TRPM6: variants seen among roughly 807,000 people sequenced by gnomAD.
TRPM6 encodes the protein channel kinase 2.
Under a neutral mutation model 247.6 loss-of-function variants are expected in TRPM6, and 111 were observed. The observed-to-expected ratio is 0.45, with a 90% CI of 0.38 to 0.52. TRPM6 has a LOEUF of 0.52. TRPM6 is among the 20% of genes least tolerant of loss of function. The pLI, the probability that TRPM6 is intolerant of heterozygous loss-of-function variation, is 0.00. For synonymous variants in TRPM6, 892 were observed against 853.8 expected, an observed-to-expected ratio of 1.04 and a Z score of -0.78; for missense variants, 2,126 against 2,421.5, an observed-to-expected ratio of 0.88 and a Z score of 2.56.
intron 17 of TRPM6, among the ~76,000 whole-genome samples, 156 bp from the exon 18 acceptor site, chr9:74,797,049 T>C (rs1294145159): frequency 6.6e-6 from 1 of 152,176 alleles, no homozygotes; most frequent in Non-Finnish European, 1.5e-5. Flanking sequence ...ACTCGGCAAC[T>C]TCAGTTCTAG....
chr9:74,755,539 C>A (rs1826404370), intron 27 of TRPM6, 66 bp from the exon 28 acceptor site: 1 of 1,600,814 alleles, frequency 6.2e-7, no homozygotes, highest in Admixed American at 1.7e-5. Context: ...GTCACACTAA[C>A]AGAAGCACCA....
chr9:74,848,060 T>C (rs1830167523), intron 3 of TRPM6, among the ~76,000 whole-genome samples: 1 of 152,198 alleles, frequency 6.6e-6, no homozygotes, highest in African/African-American at 2.4e-5. Flanking sequence ...GTGGCCATAA[T>C]TTTGCAACTG....
intron 1 of TRPM6, among the ~76,000 whole-genome samples, chr9:74,878,627 A>G (rs2118509068): frequency 6.6e-6 from 1 of 152,274 alleles, no homozygotes; most frequent in South Asian, 2.1e-4. Context: ...TCAGAATACA[A>G]TCCCCCCCGT....
chr9:74,819,414 C>T (rs1047423317), intron 9 of TRPM6, among the ~76,000 whole-genome samples: 1 of 152,096 alleles, frequency 6.6e-6, no homozygotes, highest in African/African-American at 2.4e-5. Flanking sequence ...GAGACCAAGG[C>T]AAGAGGATCA....
intron 36 of TRPM6, among the ~76,000 whole-genome samples, chr9:74,736,494 T>C (rs566248871): frequency 1.7e-4 from 26 of 152,358 alleles, no homozygotes; most frequent in African/African-American, 6.3e-4. Context: ...GGATTAAATA[T>C]AATAATGCAC....
Position 74,723,229 on chromosome 9 carries a change from A to G in TRPM6, c.*1384T>C, listed in dbSNP as rs1165759646. 1.3e-5 allele frequency: 2 copies of G among 152,318 alleles called. No homozygotes were observed. The highest frequency in any genetic ancestry group is 1.9e-4 in the East Asian group (1 of 5,190). The allele number at this position is 152,318 out of a possible 1,614,324, so 9.4% of individuals were successfully genotyped here. A position where few individuals can be genotyped will look rare whatever the true frequency, so the allele number is the denominator to read the frequency against. On this transcript the variant is annotated 3_prime_UTR_variant, in exon 39 of 39. Transcript: ENST00000360774. The stretch of plus-strand genomic sequence containing the variant: ...GACATGTTCTCAGCCATATTTCAAA[A>G]TATATATACATTCTTTATGCCAGGG...
chr9:74,871,859 T>C (rs538235609), intron 1 of TRPM6, among the ~76,000 whole-genome samples: 48 of 151,968 alleles, frequency 3.2e-4, no homozygotes, highest in African/African-American at 8.2e-4. Context: ...AGTAACTTTT[T>C]TTTTTTTTTT....
At chr9:74,839,965 G>A in intron 5 of TRPM6, 59 bp downstream of exon 5, 1 of 1,286,264 alleles carries the variant, frequency 7.8e-7, no homozygotes, top group South Asian at 1.2e-5. Context: ...GAGGGAGAGA[G>A]GGAGGGAGAG....
intron 14 of TRPM6, among the ~76,000 whole-genome samples, chr9:74,804,175 G>A (rs568756250): frequency 3.3e-5 from 5 of 152,076 alleles, no homozygotes; most frequent in South Asian, 2.1e-4. Flanking sequence ...CCTTCACTAC[G>A]TGGAAATTCC....
intron 31 of TRPM6, among the ~76,000 whole-genome samples, chr9:74,745,212 G>A (rs1318408777): frequency 6.6e-6 from 1 of 152,202 alleles, no homozygotes; most frequent in African/African-American, 2.4e-5. Context: ...AGTGTGAAAT[G>A]CTTAAAGTGT....
chr9:74,874,632 G>T (rs1324577320), intron 1 of TRPM6, among the ~76,000 whole-genome samples: 1 of 152,012 alleles, frequency 6.6e-6, no homozygotes, highest in Non-Finnish European at 1.5e-5. Flanking sequence ...TTTATCCATA[G>T]AAAGAGACTT....
chr9:74,764,347 A>C (rs1826756669), intron 25 of TRPM6, among the ~76,000 whole-genome samples: 1 of 152,178 alleles, frequency 6.6e-6, no homozygotes, highest in East Asian at 1.9e-4. Context: ...CTGAATCCTA[A>C]TCCAATATGA....
At chr9:74,736,853 TAAAAATC>T (rs1486988012) in intron 36 of TRPM6, among the ~76,000 whole-genome samples, 7 of 152,282 alleles carry the variant, frequency 4.6e-5, no homozygotes, top group African/African-American at 7.2e-5. Flanking sequence ...CTAAGAGACA[TAAAAATC>T]CCCAAACATA....
intron 3 of TRPM6, among the ~76,000 whole-genome samples, chr9:74,845,423 G>T (rs938923642): frequency 5.3e-5 from 8 of 152,196 alleles, no homozygotes; most frequent in Non-Finnish European, 1.2e-4. Context: ...ACAAAATGTG[G>T]TATATAAATA....
At chr9:74,831,752 T>C (rs567842783) in intron 6 of TRPM6, among the ~76,000 whole-genome samples, 33 of 152,342 alleles carry the variant, frequency 2.2e-4, no homozygotes, top group African/African-American at 7.2e-4. Flanking sequence ...TGTTTACATT[T>C]ATGAGTTAAG....
chr9:74,782,616 G>T (rs2118927471), intron 22 of TRPM6, 63 bp downstream of exon 22: 1 of 1,563,356 alleles, frequency 6.4e-7, no homozygotes. Flanking sequence ...TTTTTCAGAT[G>T]TATTTTACTC....
intron 5 of TRPM6, among the ~76,000 whole-genome samples, chr9:74,836,557 C>G (rs568478357): frequency 6.6e-6 from 1 of 152,192 alleles, no homozygotes; most frequent in African/African-American, 2.4e-5. Flanking sequence ...TGTGCCAACA[C>G]TGTTGTTGTT....
intron 21 of TRPM6, among the ~76,000 whole-genome samples, chr9:74,783,296 C>T (rs1349615126): frequency 6.6e-6 from 1 of 152,166 alleles, no homozygotes; most frequent in Admixed American, 6.6e-5. Context: ...CAGTTTAATT[C>T]CATCTACTAA....
At chr9:74,829,243 G>A (rs1829463287) in intron 6 of TRPM6, among the ~76,000 whole-genome samples, 1 of 152,064 alleles carries the variant, frequency 6.6e-6, no homozygotes, top group Non-Finnish European at 1.5e-5. Flanking sequence ...AGTGAGCCAA[G>A]ATCTCGCCAC....
Sources: gnomAD v4.1 joint callset for allele counts (sites outside exome capture counted in the v4.1 genomes callset) on GRCh38, gnomAD v4.1.1 for gene constraint, MANE v1.5 for transcripts, NCBI Gene and HGNC (gene_info 2026-07-23, HGNC 2026-07-21) for gene names.